ZNF804B: variants seen among roughly 807,000 people sequenced by gnomAD.
ZNF804B encodes zinc finger 804B.
ZNF804B carries 80 observed loss-of-function variants against 101.4 expected under a neutral mutation model. That is an observed-to-expected ratio of 0.79 (90% CI 0.66 to 0.95). The LOEUF (loss-of-function observed/expected upper bound fraction) is 0.95. Ranked by LOEUF, ZNF804B falls within the 40% of genes least tolerant of loss-of-function variation. The pLI, the probability that ZNF804B is intolerant of heterozygous loss-of-function variation, is 0.00. For missense variants in ZNF804B, 1,673 were observed against 1,561.9 expected (o/e 1.07, Z -1.20); for synonymous variants, 622 against 558.8 (o/e 1.11, Z -1.59).
At chr7:89,320,679 C>T (rs2115967360) in intron 2 of ZNF804B, among the ~76,000 whole-genome samples, 1 of 152,058 alleles carries the variant, frequency 6.6e-6, no homozygotes, top group Middle Eastern at 3.4e-3. Context: ...CTCAGAGTAT[C>T]CCTAAAAGGA....
intron 2 of ZNF804B, among the ~76,000 whole-genome samples, chr7:89,265,482 TTGA>T (rs1331052863): frequency 6.6e-6 from 1 of 152,204 alleles, no homozygotes; most frequent in African/African-American, 2.4e-5. Context: ...AAGTTTGTAG[TTGA>T]TGAGAGAAAT....
At chr7:89,136,716 A>T (rs1466634227) in intron 1 of ZNF804B, among the ~76,000 whole-genome samples, 2 of 147,066 alleles carry the variant, frequency 1.4e-5, no homozygotes, top group Admixed American at 6.8e-5. Flanking sequence ...TTAAGGCTGA[A>T]TTATATTTGT....
chr7:89,255,888 G>A lies in ZNF804B; in HGVS notation c.249+37593G>A, dbSNP rs139329726. Reference sequence around the variant, plus strand: ...TAAAAGTGAGTAAAAGATAAAAATAGGCATTTTGCAGAGGGGGTAATATAA... The same window carrying A: ...TAAAAGTGAGTAAAAGATAAAAATAAGCATTTTGCAGAGGGGGTAATATAA... On this transcript the variant is annotated intron_variant, in intron 2 of 3. Transcript: ENST00000333190. Among the ~76,000 whole-genome samples the A allele has an allele frequency of 3.8e-3, 573 of 152,064 alleles. 3 individuals are homozygous for A. Among genetic ancestry groups the A allele is most frequent in the African/African-American group, 0.013 (550 of 41,508 alleles).
chr7:88,806,776 C>G (rs1354208404), intron 1 of ZNF804B, among the ~76,000 whole-genome samples: 1 of 152,116 alleles, frequency 6.6e-6, no homozygotes, highest in Non-Finnish European at 1.5e-5. Flanking sequence ...CTCAGGCTCA[C>G]AGGGTCCAGG....
chr7:89,114,789 A>G (rs547689829), intron 1 of ZNF804B, among the ~76,000 whole-genome samples: 3 of 152,324 alleles, frequency 2.0e-5, no homozygotes, highest in Admixed American at 6.5e-5. Flanking sequence ...TGGAGGGTTG[A>G]GCCAGTGCTG....
intron 1 of ZNF804B, among the ~76,000 whole-genome samples, chr7:88,940,156 T>C (rs1271204311): frequency 6.6e-6 from 1 of 151,888 alleles, no homozygotes; most frequent in East Asian, 1.9e-4. Context: ...CTAAATGTAA[T>C]AAAATTAGAA....
intron 1 of ZNF804B, among the ~76,000 whole-genome samples, chr7:89,117,309 T>C (rs1790325591): frequency 1.3e-5 from 2 of 152,290 alleles, no homozygotes; most frequent in South Asian, 2.1e-4. Context: ...GAATCTAATA[T>C]AGGTACCATG....
chr7:89,201,386 A>T (rs568400756), intron 1 of ZNF804B, among the ~76,000 whole-genome samples: 1 of 152,204 alleles, frequency 6.6e-6, no homozygotes, highest in Non-Finnish European at 1.5e-5. Flanking sequence ...AACTCAGGAC[A>T]TACAAAATGG....
intron 1 of ZNF804B, among the ~76,000 whole-genome samples, chr7:89,200,618 T>C (rs1788618394): frequency 6.6e-6 from 1 of 152,014 alleles, no homozygotes; most frequent in African/African-American, 2.4e-5. Flanking sequence ...TTTCTACCAA[T>C]AAATTTCAAA....
At chr7:89,153,429 G>GATAATAATAATAATAATA (rs58654760) in intron 1 of ZNF804B, among the ~76,000 whole-genome samples, 3 of 145,530 alleles carry the variant, frequency 2.1e-5, no homozygotes, top group Admixed American at 6.9e-5. Flanking sequence ...TGATGATGAT[G>GATAATAATAATAATAATA]ATAATAATAA....
intron 2 of ZNF804B, among the ~76,000 whole-genome samples, chr7:89,323,832 T>C (rs971686495): frequency 1.3e-5 from 2 of 152,146 alleles, no homozygotes; most frequent in African/African-American, 4.8e-5. Context: ...TAAGAGCTGA[T>C]TCATTACACA....
At chr7:88,933,931 C>CA (rs3034321) in intron 1 of ZNF804B, among the ~76,000 whole-genome samples, 5,672 of 135,580 alleles carry the variant, frequency 0.042, 156 homozygotes, top group Middle Eastern at 0.066. Flanking sequence ...TGTATTAAAC[C>CA]AAAAAAAAAA....
At chr7:89,271,629 G>A (rs1023124581) in intron 2 of ZNF804B, among the ~76,000 whole-genome samples, 1 of 152,174 alleles carries the variant, frequency 6.6e-6, no homozygotes, top group East Asian at 1.9e-4. Context: ...GATTGGAATA[G>A]TTTCAGAAGG....
intron 1 of ZNF804B, among the ~76,000 whole-genome samples, chr7:88,905,669 GT>G (rs1298253787): frequency 1.3e-5 from 2 of 152,028 alleles, no homozygotes; most frequent in Non-Finnish European, 2.9e-5. Context: ...TAGTTTGCTA[GT>G]TTTTTGATAA....
At chr7:89,032,730 TA>T (rs1437128220) in intron 1 of ZNF804B, among the ~76,000 whole-genome samples, 1 of 151,918 alleles carries the variant, frequency 6.6e-6, no homozygotes, top group East Asian at 1.9e-4. Flanking sequence ...GAGTAGGAGG[TA>T]GGCACATAGG....
Position 88,975,566 on chromosome 7 carries a change from A to T in ZNF804B, c.108+215482A>T, listed in dbSNP as rs1793605300. Among the ~76,000 whole-genome samples the T allele has an allele frequency of 2.6e-5, 4 of 151,416 alleles. No homozygotes were observed. In the East Asian group the frequency reaches 7.8e-4, roughly 30 times the overall value. On this transcript the variant is annotated intron_variant, in intron 1 of 3. Coordinates refer to ENST00000333190, the MANE Select transcript of ZNF804B (RefSeq NM_181646.5). ...TGAGATATACCTGTTTGCCATTTGT[A>T]TGTCTGCTTTTGAGAAATCTATATT...
At chr7:88,931,849 A>T (rs1378362169) in intron 1 of ZNF804B, among the ~76,000 whole-genome samples, 3 of 151,914 alleles carry the variant, frequency 2.0e-5, no homozygotes, top group African/African-American at 7.2e-5. Flanking sequence ...ACTTGTTCAC[A>T]CTTGATCAAT....
At chr7:88,767,206 C>A (rs988414865) in intron 1 of ZNF804B, among the ~76,000 whole-genome samples, 1 of 152,174 alleles carries the variant, frequency 6.6e-6, no homozygotes, top group Non-Finnish European at 1.5e-5. Flanking sequence ...TTTCACCCAA[C>A]CTTACAAGTT....
intron 1 of ZNF804B, among the ~76,000 whole-genome samples, chr7:88,836,428 A>G (rs527420758): frequency 1.9e-4 from 29 of 152,000 alleles, no homozygotes; most frequent in African/African-American, 7.0e-4. Flanking sequence ...AGCAAATCAA[A>G]TCACTCTGGA....
Sources: allele counts gnomAD v4.1 joint callset (sites outside exome capture counted in the v4.1 genomes callset), GRCh38; gene constraint gnomAD v4.1.1; transcripts MANE v1.5; gene names NCBI Gene and HGNC (gene_info 2026-07-23, HGNC 2026-07-21).